The following BICD1 variants were observed in gnomAD, a reference collection of about 807,000 sequenced individuals.
BICD1 encodes the protein protein bicaudal D homolog 1.
Under a neutral mutation model 92.5 loss-of-function variants are expected in BICD1, and 35 were observed. The ratio of observed to expected loss-of-function variants is 0.38; its 90% CI spans 0.29 to 0.50. The LOEUF is 0.50. Ranked by LOEUF, BICD1 falls within the 20% of genes least tolerant of loss-of-function variation. The pLI is 0.93. For missense variants in BICD1, 950 were observed against 1,189.8 expected, an observed-to-expected ratio of 0.80 and a Z score of 2.97; for synonymous variants, 429 against 465.1, an observed-to-expected ratio of 0.92 and a Z score of 1.00.
intron 8 of BICD1, among the ~76,000 whole-genome samples, chr12:32,360,041 C>G (rs1344610037): frequency 6.6e-6 from 1 of 151,980 alleles, no homozygotes; most frequent in Non-Finnish European, 1.5e-5. Context: ...AAAAATTAGC[C>G]AGGCGTGGTG....
chr12:32,170,586 A>G (rs1592410501), intron 1 of BICD1, among the ~76,000 whole-genome samples: 1 of 152,216 alleles, frequency 6.6e-6, no homozygotes, highest in East Asian at 1.9e-4. Flanking sequence ...CAGCAGGTGA[A>G]GTCTTTTTTA....
chr12:32,307,478 G>T (rs542358805), intron 4 of BICD1, among the ~76,000 whole-genome samples: 18 of 152,234 alleles, frequency 1.2e-4, no homozygotes, highest in Middle Eastern at 3.4e-3. Flanking sequence ...GTGGAGCTCC[G>T]TGTAGATCTA....
chr12:32,171,783 A>C (rs1487541622), intron 1 of BICD1, among the ~76,000 whole-genome samples: 3 of 152,016 alleles, frequency 2.0e-5, no homozygotes, highest in South Asian at 2.1e-4. Context: ...AAAATGTAAA[A>C]ATTAGCTGGG....
chr12:32,112,378 A>T (rs1259656499), intron 1 of BICD1, among the ~76,000 whole-genome samples: 2 of 152,196 alleles, frequency 1.3e-5, no homozygotes, highest in Non-Finnish European at 2.9e-5. Context: ...GCAAGAATTT[A>T]TCATCTTTTA....
chr12:32,277,327 G>A (rs1053391796), intron 2 of BICD1, among the ~76,000 whole-genome samples: 4 of 152,156 alleles, frequency 2.6e-5, no homozygotes, highest in Non-Finnish European at 5.9e-5. Context: ...CGGGGAGGTG[G>A]GGGTTGCAGT....
intron 2 of BICD1, among the ~76,000 whole-genome samples, chr12:32,252,021 T>TTTATAA (rs1946540921): frequency 1.3e-5 from 1 of 79,294 alleles, no homozygotes; most frequent in Non-Finnish European, 2.9e-5. Flanking sequence ...ATAATAAATA[T>TTTATAA]CATATATTTA....
At chr12:32,180,374 G>A (rs1419989079) in intron 1 of BICD1, among the ~76,000 whole-genome samples, 2 of 151,810 alleles carry the variant, frequency 1.3e-5, no homozygotes, top group Non-Finnish European at 1.5e-5. Flanking sequence ...TCAAAAGGGG[G>A]ACTCAGAGGC....
At chr12:32,329,591 G>A (rs1937745024) in intron 5 of BICD1, among the ~76,000 whole-genome samples, 1 of 152,202 alleles carries the variant, frequency 6.6e-6, no homozygotes, top group Admixed American at 6.5e-5. Context: ...GGAAATAATA[G>A]AGAGTGTGTG....
intron 1 of BICD1, among the ~76,000 whole-genome samples, chr12:32,212,421 C>CATTTT (rs1309638186): frequency 2.9e-4 from 44 of 152,184 alleles, no homozygotes; most frequent in African/African-American, 9.9e-4. Context: ...TATGCTGTGA[C>CATTTT]ATTTTATTTT....
At chr12:32,335,650 G>C (rs1468103328) in intron 6 of BICD1, among the ~76,000 whole-genome samples, 1 of 146,464 alleles carries the variant, frequency 6.8e-6, no homozygotes. Flanking sequence ...GCGCTATCTC[G>C]GTTCACTGCA....
chr12:32,205,424 G>A (rs1013464099), intron 1 of BICD1, among the ~76,000 whole-genome samples: 1 of 152,060 alleles, frequency 6.6e-6, no homozygotes, highest in African/African-American at 2.4e-5. Context: ...TGTGACTTAG[G>A]ATAATGCTAC....
At chr12:32,293,645 A>C (rs1268908369) in intron 2 of BICD1, among the ~76,000 whole-genome samples, 1 of 152,084 alleles carries the variant, frequency 6.6e-6, no homozygotes, top group Non-Finnish European at 1.5e-5. Flanking sequence ...CGTTTCTTAA[A>C]ATAATTTTAT....
intron 2 of BICD1, among the ~76,000 whole-genome samples, chr12:32,280,395 A>G (rs1947383018): frequency 6.6e-6 from 1 of 152,252 alleles, no homozygotes; most frequent in South Asian, 2.1e-4. Context: ...TGAAGAAGTG[A>G]TAAGACAAAG....
rs919524352 is a variant in BICD1 at position 32,330,538 on chromosome 12, C to T, written c.2100+1983C>T. ...TGTATACATATGTAACAAACCTGTA[C>T]GTTGTGCACATGTACCCTAGAACTT... On this transcript the variant is annotated intron_variant, in intron 5 of 9. Coordinates refer to ENST00000652176, the MANE Select transcript of BICD1 (RefSeq NM_001714.4). Among the ~76,000 whole-genome samples, 11 of 150,898 alleles carry T rather than the reference C, an allele frequency of 7.3e-5. 1 individual carries two copies. The highest frequency in any genetic ancestry group is 2.1e-4 in the South Asian group (1 of 4,782).
Position 32,309,799 on chromosome 12 carries a change from C to T in BICD1, c.1005+3677C>T, listed in dbSNP as rs993937866. On this transcript the variant is annotated intron_variant, in intron 4 of 9. Transcript: ENST00000652176. ...TTCATTTTTTTTTATTATTATTATA[C>T]TTTAAGTTCTAGGGTACATGTGCAC... Among the ~76,000 whole-genome samples, 3 of 151,972 alleles carry T rather than the reference C, an allele frequency of 2.0e-5. No individual in the cohort carries two copies. In the South Asian group the frequency reaches 6.2e-4, roughly 32 times the overall value.
At chr12:32,283,308 C>T (rs2046589) in intron 2 of BICD1, among the ~76,000 whole-genome samples, 8,378 of 150,766 alleles carry the variant, frequency 0.056, 752 homozygotes, top group African/African-American at 0.19. Context: ...TAGTTAATAC[C>T]GAAGTCAGGA....
At chr12:32,255,983 C>A (rs1172188195) in intron 2 of BICD1, among the ~76,000 whole-genome samples, 1 of 152,064 alleles carries the variant, frequency 6.6e-6, no homozygotes, top group Admixed American at 6.5e-5. Flanking sequence ...ATCAATAGAG[C>A]AGATATTGAA....
At chr12:32,325,951 TG>T (rs1948766981) in intron 4 of BICD1, among the ~76,000 whole-genome samples, 1 of 151,296 alleles carries the variant, frequency 6.6e-6, no homozygotes, top group African/African-American at 2.4e-5. Flanking sequence ...GGCGTGGTCG[TG>T]GGCGCCTGTA....
chr12:32,339,180 A>T, intron 8 of BICD1: 1 of 1,297,322 alleles, frequency 7.7e-7, no homozygotes, highest in Non-Finnish European at 9.7e-7. Flanking sequence ...ACAGACTTCC[A>T]TTTAACAGCC....
Sources: allele counts gnomAD v4.1 joint callset (sites outside exome capture counted in the v4.1 genomes callset), GRCh38; gene constraint gnomAD v4.1.1; transcripts MANE v1.5; gene names NCBI Gene and HGNC (gene_info 2026-07-23, HGNC 2026-07-21).